CARMIL1: variants seen among roughly 807,000 people sequenced by gnomAD.
CARMIL1 encodes the protein F-actin-uncapping protein LRRC16A.
Under a neutral mutation model 177.1 loss-of-function variants are expected in CARMIL1, and 90 were observed. The observed-to-expected ratio is 0.51, with a 90% CI of 0.43 to 0.61. The LOEUF (loss-of-function observed/expected upper bound fraction) is 0.61. Ranked by LOEUF, CARMIL1 falls within the 20% of genes least tolerant of loss-of-function variation. CARMIL1 has a pLI of 0.00. For synonymous variants in CARMIL1, 577 were observed against 606.2 expected (o/e 0.95, Z 0.71); for missense variants, 1,380 against 1,667.0 (o/e 0.83, Z 3.00).
intron 17 of CARMIL1, chr6:25,507,595 T>C (rs1805037265): frequency 6.6e-6 from 1 of 152,546 alleles, no homozygotes; most frequent in Non-Finnish European, 1.5e-5. Context: ...CAGTAAGGAG[T>C]ATGTATAAAC....
chr6:25,406,283 G>A (rs1001882418), intron 2 of CARMIL1, among the ~76,000 whole-genome samples: 5 of 152,158 alleles, frequency 3.3e-5, no homozygotes, highest in Non-Finnish European at 5.9e-5. Context: ...AGCAAGAGGG[G>A]GAAGGGATAG....
intron 26 of CARMIL1, among the ~76,000 whole-genome samples, chr6:25,547,586 T>C (rs1809636706): frequency 1.3e-5 from 2 of 152,190 alleles, no homozygotes; most frequent in African/African-American, 2.4e-5. Flanking sequence ...TACTTTTTAA[T>C]ATGTTCCTTA....
At chr6:25,514,714 G>A (rs946062592) in intron 20 of CARMIL1, among the ~76,000 whole-genome samples, 1 of 152,096 alleles carries the variant, frequency 6.6e-6, no homozygotes, top group Non-Finnish European at 1.5e-5. Flanking sequence ...TTGAGCCTGG[G>A]AGTTCAAGAC....
intron 2 of CARMIL1, among the ~76,000 whole-genome samples, chr6:25,310,477 T>TA (rs1783708098): frequency 6.6e-6 from 1 of 152,230 alleles, no homozygotes; most frequent in Non-Finnish European, 1.5e-5. Context: ...TAGTAGATGT[T>TA]AGAGGACATT....
chr6:25,538,961 T>C (rs1808609794), intron 25 of CARMIL1, among the ~76,000 whole-genome samples: 1 of 152,030 alleles, frequency 6.6e-6, no homozygotes, highest in Non-Finnish European at 1.5e-5. Context: ...CAGAGAACTT[T>C]TGGGTTGATG....
intron 13 of CARMIL1, 49 bp from the exon 14 acceptor site, chr6:25,491,683 A>ATG (rs899006603): frequency 4.1e-5 from 48 of 1,165,660 alleles, no homozygotes; most frequent in Non-Finnish European, 5.9e-5. Context: ...CATTGTGTGT[A>ATG]TGTGTGTGTT....
At chr6:25,460,364 CTTGA>C (rs1562169456) in intron 8 of CARMIL1, among the ~76,000 whole-genome samples, 1 of 152,142 alleles carries the variant, frequency 6.6e-6, no homozygotes, top group Non-Finnish European at 1.5e-5. Context: ...TCATCAGAGT[CTTGA>C]TTATTACTGG....
At chr6:25,476,866 G>A (rs142186458) in intron 11 of CARMIL1, among the ~76,000 whole-genome samples, 2,169 of 152,112 alleles carry the variant, frequency 0.014, 45 homozygotes, top group African/African-American at 0.045. Context: ...TGAGGCTAGC[G>A]GATCATGAGG....
At chr6:25,357,904 C>CA (rs1491449939) in intron 2 of CARMIL1, among the ~76,000 whole-genome samples, 1 of 152,110 alleles carries the variant, frequency 6.6e-6, no homozygotes, top group Non-Finnish European at 1.5e-5. Flanking sequence ...GTGATTATCT[C>CA]AGAGTTTGAA....
chr6:25,434,914 G>T (rs1039595466), intron 4 of CARMIL1, among the ~76,000 whole-genome samples: 1 of 152,156 alleles, frequency 6.6e-6, no homozygotes, highest in Admixed American at 6.5e-5. Flanking sequence ...TTTTATTTAA[G>T]CATATGATAA....
At chr6:25,544,521 T>C (rs894440310) in intron 26 of CARMIL1, among the ~76,000 whole-genome samples, 1 of 151,962 alleles carries the variant, frequency 6.6e-6, no homozygotes, top group African/African-American at 2.4e-5. Flanking sequence ...TCTAGAATTA[T>C]ATACCCAATG....
At chr6:25,549,740 C>T (rs1297954967) in intron 26 of CARMIL1, among the ~76,000 whole-genome samples, 2 of 152,202 alleles carry the variant, frequency 1.3e-5, no homozygotes, top group Admixed American at 1.3e-4. Context: ...CTTTTGATAA[C>T]AGTGCTTCAT....
At chr6:25,390,615 T>A (rs1247813953) in intron 2 of CARMIL1, among the ~76,000 whole-genome samples, 1 of 151,902 alleles carries the variant, frequency 6.6e-6, no homozygotes, top group African/African-American at 2.4e-5. Flanking sequence ...AGCCACTGCA[T>A]CCCGCCTAGA....
At chr6:25,465,646 T>G (rs375452863) in intron 8 of CARMIL1, 242 of 489,622 alleles carry the variant, frequency 4.9e-4, no homozygotes, top group South Asian at 9.5e-4. Flanking sequence ...ACCAACCTCT[T>G]TCCTTTGGAA....
chr6:25,498,901 C>A (rs1483425348), intron 16 of CARMIL1, among the ~76,000 whole-genome samples: 1 of 152,150 alleles, frequency 6.6e-6, no homozygotes, highest in Non-Finnish European at 1.5e-5. Context: ...ATGAGATATA[C>A]CCAGTCTTTC....
chr6:25,588,676 A>C (rs192162437), intron 31 of CARMIL1, among the ~76,000 whole-genome samples: 1 of 152,202 alleles, frequency 6.6e-6, no homozygotes, highest in Admixed American at 6.5e-5. Context: ...TAACATAGCT[A>C]TAGGTGACAA....
chr6:25,336,827 A>G (rs756398167), intron 2 of CARMIL1, among the ~76,000 whole-genome samples: 98 of 152,368 alleles, frequency 6.4e-4, no homozygotes, highest in Non-Finnish European at 1.3e-3. Context: ...GCTTTGTTCC[A>G]GAAAATGATT....
chr6:25,541,050 G>A (rs1454753728), intron 26 of CARMIL1, among the ~76,000 whole-genome samples: 1 of 152,144 alleles, frequency 6.6e-6, no homozygotes, highest in Non-Finnish European at 1.5e-5. Flanking sequence ...GGATGGTAGA[G>A]TTCTGCTAGA....
intron 24 of CARMIL1, among the ~76,000 whole-genome samples, 175 bp from the exon 25 acceptor site, chr6:25,537,680 T>C (rs2151125234): frequency 6.6e-6 from 1 of 152,350 alleles, no homozygotes; most frequent in East Asian, 1.9e-4. Context: ...AGTAAATTAA[T>C]AATTGCTTAC....
Sources: allele counts gnomAD v4.1 joint callset (sites outside exome capture counted in the v4.1 genomes callset), GRCh38; gene constraint gnomAD v4.1.1; transcripts MANE v1.5; gene names NCBI Gene and HGNC (gene_info 2026-07-23, HGNC 2026-07-21).